STX17: variants seen among roughly 807,000 people sequenced by gnomAD.
STX17 encodes the protein syntaxin 17.
Under a neutral mutation model 35.9 loss-of-function variants are expected in STX17, and 29 were observed. The observed-to-expected ratio is 0.81, with a 90% CI of 0.60 to 1.10. STX17 has a LOEUF of 1.10. Among genes scored for constraint, STX17 ranks in the 50% least tolerant of loss-of-function variants. STX17 has a pLI of 0.00. For synonymous variants in STX17, 92 were observed against 118.3 expected, an observed-to-expected ratio of 0.78 and a Z score of 1.44; for missense variants, 312 against 352.3, an observed-to-expected ratio of 0.89 and a Z score of 0.92.
intron 2 of STX17, 83 bp from the exon 3 acceptor site, chr9:99,928,695 G>A (rs754537983): frequency 1.2e-4 from 141 of 1,150,968 alleles, no homozygotes; most frequent in Non-Finnish European, 1.5e-4. Context: ...AAGTTTGGGT[G>A]GGTGAGTGGG....
chr9:99,941,913 TTATATTA>T (rs1829372818), intron 3 of STX17, among the ~76,000 whole-genome samples: 1 of 152,202 alleles, frequency 6.6e-6, no homozygotes, highest in Admixed American at 6.5e-5. Context: ...GTTGTTCAGT[TTATATTA>T]TAAATGCTAT....
At chr9:99,931,891 G>T (rs772748683) in intron 3 of STX17, among the ~76,000 whole-genome samples, 17 of 152,030 alleles carry the variant, frequency 1.1e-4, no homozygotes, top group Admixed American at 7.2e-4. Context: ...GGTGTAATAG[G>T]TTTTTTTGTT....
intron 4 of STX17, chr9:99,954,059 G>C (rs1241463855): frequency 6.6e-6 from 1 of 151,976 alleles, no homozygotes; most frequent in Non-Finnish European, 1.5e-5. Flanking sequence ...TAAAGGAAAT[G>C]AAAAAATTGG....
intron 3 of STX17, among the ~76,000 whole-genome samples, chr9:99,948,779 T>C (rs951323321): frequency 4.6e-5 from 7 of 152,144 alleles, no homozygotes; most frequent in African/African-American, 1.4e-4. Flanking sequence ...CCCTCAAAAT[T>C]TTCCACATTA....
At chr9:99,924,560 T>C (rs1171487737) in intron 2 of STX17, among the ~76,000 whole-genome samples, 1 of 152,212 alleles carries the variant, frequency 6.6e-6, no homozygotes, top group Non-Finnish European at 1.5e-5. Flanking sequence ...TACTCTTACC[T>C]ACCCTATGGG....
intron 2 of STX17, among the ~76,000 whole-genome samples, chr9:99,921,979 GT>G (rs1259611267): frequency 1.3e-5 from 2 of 152,038 alleles, no homozygotes; most frequent in East Asian, 1.9e-4. Context: ...GAGTTGAATA[GT>G]TTTGCTTTCT....
At position 99,971,610 on chromosome 9, in the gene STX17, G is replaced by A. The variant is rs1488530316; in HGVS notation, c.*2937G>A. ...TTACAAGTAAGGAAACTGGGCTTCA[G>A]AGAAAATAATTTGCAGAGGTTTACT... On this transcript the variant is annotated 3_prime_UTR_variant, in exon 8 of 8. Transcript: ENST00000259400. Among the ~76,000 whole-genome samples, 1 of 152,158 alleles carries A rather than the reference G, an allele frequency of 6.6e-6. No individual in the cohort carries two copies. The highest frequency in any genetic ancestry group is 1.5e-5 in the Non-Finnish European group (1 of 68,034).
chr9:99,929,499 A>G (rs1000003731), intron 3 of STX17, among the ~76,000 whole-genome samples: 14 of 152,006 alleles, frequency 9.2e-5, no homozygotes, highest in Non-Finnish European at 1.9e-4. Flanking sequence ...AAGTCCTCCT[A>G]CTTGGAAGAA....
chr9:99,919,544 A>T (rs1828851524), intron 2 of STX17, among the ~76,000 whole-genome samples: 2 of 152,184 alleles, frequency 1.3e-5, no homozygotes, highest in Non-Finnish European at 2.9e-5. Flanking sequence ...GCAAAATGTT[A>T]AATTTTTTTG....
intron 3 of STX17, among the ~76,000 whole-genome samples, chr9:99,936,127 A>G (rs1285902773): frequency 3.9e-5 from 6 of 152,200 alleles, no homozygotes; most frequent in Non-Finnish European, 8.8e-5. Flanking sequence ...TTGTATGGCT[A>G]TACCACTATA....
At chr9:99,941,392 C>T (rs1829359071) in intron 3 of STX17, among the ~76,000 whole-genome samples, 1 of 152,194 alleles carries the variant, frequency 6.6e-6, no homozygotes, top group Admixed American at 6.5e-5. Flanking sequence ...AATGCTTCAA[C>T]CTCGTTTCTG....
intron 1 of STX17, chr9:99,914,129 G>A (rs1828717584): frequency 6.6e-6 from 1 of 152,068 alleles, no homozygotes; most frequent in South Asian, 2.1e-4. Flanking sequence ...TTTTCATAAA[G>A]ATTCAGTGGC....
rs946959474 is a variant in STX17 at position 99,948,934 on chromosome 9, A to G, written c.190-2126A>G. Among the ~76,000 whole-genome samples the G allele has an allele frequency of 3.3e-5, 5 of 152,242 alleles. No homozygotes were observed. In the East Asian group the frequency reaches 5.8e-4, roughly 18 times the overall value. ...ATTTTTAATGCTTCTCCAAGATAATATTACCTAAAATATTTCTGTAGACTG... is the reference window on the plus strand; with the variant it reads ...ATTTTTAATGCTTCTCCAAGATAATGTTACCTAAAATATTTCTGTAGACTG... On this transcript the variant is annotated intron_variant, in intron 3 of 7. Coordinates refer to ENST00000259400, the MANE Select transcript of STX17 (RefSeq NM_017919.3).
chr9:99,967,464 A>AT lies in STX17; in HGVS notation c.583-189_583-188insT, dbSNP rs1554703380. On this transcript the variant is annotated intron_variant, in intron 6 of 7. Coordinates refer to ENST00000259400, the MANE Select transcript of STX17 (RefSeq NM_017919.3). ...ACCCTTTTATTACCTAATAATTAAG[A>AT]CCCCCCCCTTTTTTTTATGAAAGTT... is the stretch of plus-strand genomic sequence containing the variant. 2.4e-5 allele frequency: 7 copies of AT among 290,440 alleles called. No individual in the cohort carries two copies. The South Asian group carries it at 3.9e-4, about 16-fold the overall frequency. 18.0% of individuals were successfully genotyped at this position (290,440 alleles called of 1,614,324 possible).
chr9:99,915,171 C>T lies in STX17; in HGVS notation c.-62-7C>T. The T allele has an allele frequency of 1.4e-6, 2 of 1,460,048 alleles. No individual in the cohort carries two copies. Among genetic ancestry groups the T allele is most frequent in the Non-Finnish European group, 9.1e-7 (1 of 1,100,220 alleles). The allele number at this position is 1,460,048 out of a possible 1,614,324, so 90.4% of individuals were successfully genotyped here. On this transcript the variant is annotated splice_region_variant and splice_polypyrimidine_tract_variant and intron_variant, in intron 1 of 7. Transcript: ENST00000259400. ...AAAACATTCTTAAAGAAATATTTTTCTTTTAGGTTTTTCTATATGAGTGGA... is the reference window on the plus strand; with the variant it reads ...AAAACATTCTTAAAGAAATATTTTTTTTTTAGGTTTTTCTATATGAGTGGA...
intron 3 of STX17, among the ~76,000 whole-genome samples, chr9:99,946,687 C>G (rs927865728): frequency 2.0e-5 from 3 of 152,126 alleles, no homozygotes; most frequent in African/African-American, 7.2e-5. Flanking sequence ...CAAATTCTCT[C>G]AGCTTTTGTT....
At chr9:99,967,346 T>C (rs1352048634) in intron 6 of STX17, 2 of 196,964 alleles carry the variant, frequency 1.0e-5, no homozygotes, top group African/African-American at 4.6e-5. Context: ...TATTTGGATT[T>C]TTTTTTTCTG....
At chr9:99,919,353 C>T (rs1465432095) in intron 2 of STX17, among the ~76,000 whole-genome samples, 1 of 152,158 alleles carries the variant, frequency 6.6e-6, no homozygotes, top group Non-Finnish European at 1.5e-5. Flanking sequence ...AAGTGATCCT[C>T]CTGCATTGGC....
chr9:99,962,819 C>G (rs1424344239), intron 6 of STX17, among the ~76,000 whole-genome samples: 1 of 152,076 alleles, frequency 6.6e-6, no homozygotes, highest in Non-Finnish European at 1.5e-5. Context: ...GATTATTATT[C>G]CCAGGGTGAC....
Sources: allele counts gnomAD v4.1 joint callset (sites outside exome capture counted in the v4.1 genomes callset), GRCh38; gene constraint gnomAD v4.1.1; transcripts MANE v1.5; gene names NCBI Gene and HGNC (gene_info 2026-07-23, HGNC 2026-07-21).